Variants in CCDC102B observed in about 807,000 individuals in gnomAD.
The protein encoded by CCDC102B is coiled-coil domain-containing protein 102B.
Under a neutral mutation model 57.4 loss-of-function variants are expected in CCDC102B, and 75 were observed. The observed-to-expected ratio is 1.31, with a 90% CI of 1.08 to 1.58. The LOEUF (loss-of-function observed/expected upper bound fraction) is 1.58, where lower values mean the gene tolerates loss of function less well. Ranked by LOEUF, CCDC102B falls within the 40% of genes most tolerant of loss-of-function variation. The pLI, the probability that CCDC102B is intolerant of heterozygous loss-of-function variation, is 0.00. For synonymous variants in CCDC102B, 206 were observed against 201.9 expected, an observed-to-expected ratio of 1.02 and a Z score of -0.17; for missense variants, 636 against 582.6, an observed-to-expected ratio of 1.09 and a Z score of -0.94.
At chr18:68,981,295 A>G (rs1361701923) in intron 6 of CCDC102B, among the ~76,000 whole-genome samples, 2 of 152,032 alleles carry the variant, frequency 1.3e-5, no homozygotes, top group Non-Finnish European at 2.9e-5. Flanking sequence ...AGGAAACCCA[A>G]CCAATAAAGT....
At chr18:68,805,109 A>G (rs1266420800) in intron 1 of CCDC102B, among the ~76,000 whole-genome samples, 1 of 152,192 alleles carries the variant, frequency 6.6e-6, no homozygotes, top group Admixed American at 6.5e-5. Flanking sequence ...ACACATAGAT[A>G]TGATGGAACC....
At chr18:68,848,058 A>C (rs1333915801) in intron 4 of CCDC102B, among the ~76,000 whole-genome samples, 3 of 151,848 alleles carry the variant, frequency 2.0e-5, no homozygotes, top group Non-Finnish European at 1.5e-5. Flanking sequence ...AAACTAAACA[A>C]ACAATACTAC....
At chr18:68,936,267 A>G (rs940329543) in intron 6 of CCDC102B, among the ~76,000 whole-genome samples, 1 of 152,044 alleles carries the variant, frequency 6.6e-6, no homozygotes, top group African/African-American at 2.4e-5. Flanking sequence ...TATAGCGGTT[A>G]TTCAGCCTGT....
chr18:68,797,437 C>G (rs1222518298), upstream of CCDC102B, among the ~76,000 whole-genome samples: 2 of 152,060 alleles, frequency 1.3e-5, no homozygotes, highest in East Asian at 3.9e-4. Context: ...CCTCAACCCC[C>G]ATCAGAACAC....
intron 6 of CCDC102B, among the ~76,000 whole-genome samples, chr18:68,955,178 C>G (rs1344020882): frequency 6.6e-6 from 1 of 152,082 alleles, no homozygotes; most frequent in Non-Finnish European, 1.5e-5. Context: ...AACTACAAAT[C>G]TTAATTTATT....
At chr18:68,823,649 C>T (rs1244003230) in intron 1 of CCDC102B, among the ~76,000 whole-genome samples, 2 of 152,134 alleles carry the variant, frequency 1.3e-5, no homozygotes, top group Admixed American at 6.6e-5. Flanking sequence ...TCCATGGTGG[C>T]TGAACTAATT....
At chr18:68,733,188 A>G (rs1599382644) in intron 2 of CCDC102B, among the ~76,000 whole-genome samples, 1 of 152,112 alleles carries the variant, frequency 6.6e-6, no homozygotes. Flanking sequence ...AAAGAATAGT[A>G]CCAAGGACTG....
At position 68,921,229 on chromosome 18, in the gene CCDC102B, G is replaced by T. The variant is rs2041268045; in HGVS notation, c.1263+23801G>T. Among the ~76,000 whole-genome samples the T allele has an allele frequency of 1.3e-5, 2 of 152,144 alleles. 1 individual carries two copies. The highest frequency in any genetic ancestry group is 4.8e-5 in the African/African-American group (2 of 41,446). On this transcript the variant is annotated intron_variant, in intron 6 of 7. Coordinates refer to ENST00000360242, the MANE Select transcript of CCDC102B (RefSeq NM_024781.3). ...CATCCTGAATTCCCACGTGTGGTGG[G>T]AGGGACCCAGTAGGAGGTAATTGAA... is the stretch of plus-strand genomic sequence containing the variant.
chr18:68,719,304 G>T (rs1357513891), intron 2 of CCDC102B, among the ~76,000 whole-genome samples: 1 of 152,188 alleles, frequency 6.6e-6, no homozygotes, highest in Non-Finnish European at 1.5e-5. Context: ...GGCTTATGCA[G>T]CTATGAAGAC....
intron 7 of CCDC102B, among the ~76,000 whole-genome samples, chr18:69,038,872 A>T (rs1285411706): frequency 6.6e-6 from 1 of 152,052 alleles, no homozygotes; most frequent in Admixed American, 6.6e-5. Flanking sequence ...ATTTCTTCAG[A>T]TATTTCATAA....
chr18:68,852,676 G>A lies in CCDC102B; in HGVS notation c.936+6255G>A, dbSNP rs567061287. The stretch of plus-strand genomic sequence containing the variant: ...CCATGGATGCAAAACTCATGGATAT[G>A]GAAGTATACACTTTATTTAACTTAC... On this transcript the variant is annotated intron_variant, in intron 4 of 7. Transcript: ENST00000360242. Among the ~76,000 whole-genome samples the A allele has an allele frequency of 5.3e-5, 8 of 152,042 alleles. No individual in the cohort carries two copies. In the South Asian group the frequency reaches 1.2e-3, roughly 24 times the overall value.
chr18:68,836,363 C>G (rs1174171568), intron 1 of CCDC102B, among the ~76,000 whole-genome samples: 1 of 152,136 alleles, frequency 6.6e-6, no homozygotes, highest in African/African-American at 2.4e-5. Context: ...GGCATGGTGG[C>G]TCACGCCTGT....
chr18:68,969,166 C>T (rs963566284), intron 6 of CCDC102B, among the ~76,000 whole-genome samples: 3 of 152,114 alleles, frequency 2.0e-5, no homozygotes, highest in South Asian at 2.1e-4. Context: ...GCCATGCTAA[C>T]GTAATGAACT....
At chr18:68,914,002 G>C (rs1457082302) in intron 6 of CCDC102B, among the ~76,000 whole-genome samples, 1 of 152,114 alleles carries the variant, frequency 6.6e-6, no homozygotes, top group Non-Finnish European at 1.5e-5. Flanking sequence ...TGGGACCCAG[G>C]AGCACATATA....
At chr18:68,881,629 A>G (rs2039696185) in intron 5 of CCDC102B, among the ~76,000 whole-genome samples, 1 of 152,110 alleles carries the variant, frequency 6.6e-6, no homozygotes, top group African/African-American at 2.4e-5. Context: ...CGAGGGAACT[A>G]CTGATGCCTA....
At position 68,956,472 on chromosome 18, in the gene CCDC102B, TTA is replaced by T. The variant is rs1227508075; in HGVS notation, c.1264-54451_1264-54450del. ...ATATATTATATATTTTATATATATATTATATATATATAATATATATATAAAAT... is the reference window on the plus strand; with the variant it reads ...ATATATTATATATTTTATATATATATTATATATATAATATATATATAAAAT... On this transcript the variant is annotated intron_variant, in intron 6 of 7. Transcript: ENST00000360242. Among the ~76,000 whole-genome samples, 428 of 66,732 alleles carry T rather than the reference TTA, an allele frequency of 6.4e-3. 134 individuals are homozygous for T. The highest frequency in any genetic ancestry group is 0.033 in the African/African-American group (337 of 10,342). 43.8% of individuals were successfully genotyped at this position (66,732 alleles called of 152,430 possible).
At chr18:68,793,115 G>C (rs1485402639), upstream of CCDC102B, among the ~76,000 whole-genome samples, 1 of 152,112 alleles carries the variant, frequency 6.6e-6, no homozygotes, top group East Asian at 1.9e-4. Flanking sequence ...CACCACAGCT[G>C]TACTCTGTGA....
At chr18:68,975,582 A>G in intron 6 of CCDC102B, among the ~76,000 whole-genome samples, 1 of 152,020 alleles carries the variant, frequency 6.6e-6, no homozygotes, top group East Asian at 1.9e-4. Context: ...GCATTAATAA[A>G]TCATAAGTAA....
chr18:68,811,845 T>C (rs17079742), intron 1 of CCDC102B, among the ~76,000 whole-genome samples: 17,363 of 152,178 alleles, frequency 0.11, 1,108 homozygotes, highest in East Asian at 0.3. Context: ...GGAGAAAAAC[T>C]GGACCTGGAA....
Sources: gnomAD v4.1 joint callset for allele counts (sites outside exome capture counted in the v4.1 genomes callset) on GRCh38, gnomAD v4.1.1 for gene constraint, MANE v1.5 for transcripts, NCBI Gene and HGNC (gene_info 2026-07-23, HGNC 2026-07-21) for gene names.